Variants in CADM2 observed in about 807,000 individuals in gnomAD.
CADM2 encodes the protein immunoglobulin superfamily member 4D.
Under a neutral mutation model 49.8 loss-of-function variants are expected in CADM2, and 12 were observed. The ratio of observed to expected loss-of-function variants is 0.24; its 90% CI spans 0.15 to 0.39. The LOEUF is 0.39. CADM2 is among the 10% of genes least tolerant of loss of function. The pLI is 1.00. For missense variants in CADM2, 378 were observed against 492.3 expected, an observed-to-expected ratio of 0.77 and a Z score of 2.20; for synonymous variants, 214 against 175.4, an observed-to-expected ratio of 1.22 and a Z score of -1.74.
chr3:85,474,527 C>T (rs1371865186), intron 1 of CADM2, among the ~76,000 whole-genome samples: 1 of 151,814 alleles, frequency 6.6e-6, no homozygotes, highest in Non-Finnish European at 1.5e-5. Flanking sequence ...ATAGCTGGGC[C>T]CCATGGTGCA....
At chr3:85,362,450 A>C (rs573098405) in intron 1 of CADM2, among the ~76,000 whole-genome samples, 1 of 152,298 alleles carries the variant, frequency 6.6e-6, no homozygotes, top group East Asian at 1.9e-4. Flanking sequence ...TTAAATGAAA[A>C]ATTTACCCAA....
At chr3:85,404,224 C>T (rs954821740) in intron 1 of CADM2, among the ~76,000 whole-genome samples, 8 of 152,016 alleles carry the variant, frequency 5.3e-5, no homozygotes, top group African/African-American at 1.9e-4. Context: ...GACCATCATC[C>T]CACCACCTCA....
chr3:84,985,185 T>C (rs1027050445), intron 1 of CADM2, among the ~76,000 whole-genome samples: 12 of 152,204 alleles, frequency 7.9e-5, no homozygotes, highest in African/African-American at 2.4e-4. Context: ...GCTATTTATA[T>C]GCATGTAGTT....
intron 1 of CADM2, among the ~76,000 whole-genome samples, chr3:85,436,490 G>A (rs549021925): frequency 1.8e-4 from 28 of 152,096 alleles, no homozygotes; most frequent in African/African-American, 6.3e-4. Flanking sequence ...GTCTTGTGCC[G>A]GTTTTCAAAG....
chr3:85,030,347 T>A (rs909517451), intron 1 of CADM2, among the ~76,000 whole-genome samples: 1 of 152,212 alleles, frequency 6.6e-6, no homozygotes, highest in Admixed American at 6.5e-5. Context: ...ATTCTCAACC[T>A]TCAATGCAAC....
At chr3:85,968,296 T>G (rs555361298) in intron 8 of CADM2, among the ~76,000 whole-genome samples, 1 of 151,696 alleles carries the variant, frequency 6.6e-6, no homozygotes, top group South Asian at 2.1e-4. Context: ...CAGAGAGAAA[T>G]GGAATGGCAT....
intron 1 of CADM2, among the ~76,000 whole-genome samples, chr3:85,053,923 A>T: frequency 6.6e-6 from 1 of 152,004 alleles, no homozygotes; most frequent in East Asian, 1.9e-4. Context: ...TTATTTTAAC[A>T]GAACAGATTC....
At chr3:85,260,176 G>T (rs963876151) in intron 1 of CADM2, among the ~76,000 whole-genome samples, 1 of 151,644 alleles carries the variant, frequency 6.6e-6, no homozygotes, top group Non-Finnish European at 1.5e-5. Context: ...AATTAGTTTG[G>T]CATGAATATA....
At chr3:85,163,072 CTCA>C (rs1553690504) in intron 1 of CADM2, among the ~76,000 whole-genome samples, 1 of 152,006 alleles carries the variant, frequency 6.6e-6, no homozygotes, top group Non-Finnish European at 1.5e-5. Flanking sequence ...GTAATGCTGA[CTCA>C]TCATTCTTTA....
chr3:85,534,130 A>AT (rs907538888), intron 1 of CADM2, among the ~76,000 whole-genome samples: 57 of 151,648 alleles, frequency 3.8e-4, no homozygotes, highest in African/African-American at 1.1e-3. Flanking sequence ...GAAAATAATA[A>AT]TTTTTTTTTA....
At chr3:85,942,645 C>G (rs1256447334) in intron 7 of CADM2, among the ~76,000 whole-genome samples, 1 of 151,814 alleles carries the variant, frequency 6.6e-6, no homozygotes, top group Non-Finnish European at 1.5e-5. Flanking sequence ...TCATCCATGT[C>G]CCTACAAAGG....
In CADM2 at chr3:85,284,770, G is replaced by A. The variant is rs139190643; in HGVS notation, c.61+325102G>A. ...GTGGCAGATCATCACAGGTTTTGTAGGACCTTGTAGGCTATATAAATAAGC... is the reference window on the plus strand; with the variant it reads ...GTGGCAGATCATCACAGGTTTTGTAAGACCTTGTAGGCTATATAAATAAGC... On this transcript the variant is annotated intron_variant, in intron 1 of 9. Transcript: ENST00000383699. 5.0e-3 allele frequency among the ~76,000 whole-genome samples: 753 copies of A among 152,092 alleles called. 11 individuals are homozygous for A. Among genetic ancestry groups the A allele is most frequent in the African/African-American group, 0.017 (695 of 41,514 alleles).
At chr3:85,505,364 G>A (rs1028470875) in intron 1 of CADM2, among the ~76,000 whole-genome samples, 6 of 152,298 alleles carry the variant, frequency 3.9e-5, no homozygotes, top group African/African-American at 1.4e-4. Context: ...TCTTTCCTCT[G>A]GGGTGTAGCC....
At chr3:85,361,072 C>A (rs1479677168) in intron 1 of CADM2, among the ~76,000 whole-genome samples, 1 of 152,132 alleles carries the variant, frequency 6.6e-6, no homozygotes, top group Non-Finnish European at 1.5e-5. Flanking sequence ...TCATAGCCAT[C>A]TTTTATCCCA....
chr3:85,990,702 C>T (rs1318632836), intron 8 of CADM2, among the ~76,000 whole-genome samples: 1 of 152,102 alleles, frequency 6.6e-6, no homozygotes, highest in African/African-American at 2.4e-5. Flanking sequence ...TAAAATTACC[C>T]ATCCAAAAAA....
intron 7 of CADM2, among the ~76,000 whole-genome samples, chr3:85,938,816 T>A (rs1282969980): frequency 2.0e-5 from 3 of 152,066 alleles, no homozygotes; most frequent in Non-Finnish European, 4.4e-5. Context: ...ATCATCTTTA[T>A]CATTTATCTG....
At position 85,989,462 on chromosome 3, in the gene CADM2, C is replaced by T. The variant is rs149187588; in HGVS notation, c.970+27815C>T. ...GGACCAAAATTCAGACCACTTTTTTCTCTTGCCTTTCAATAGGATATTCTG... is the reference window on the plus strand; with the variant it reads ...GGACCAAAATTCAGACCACTTTTTTTTCTTGCCTTTCAATAGGATATTCTG... On this transcript the variant is annotated intron_variant, in intron 8 of 9. Transcript: ENST00000383699. Among the ~76,000 whole-genome samples, 4 of 152,100 alleles carry T rather than the reference C, an allele frequency of 2.6e-5. 1 individual carries two copies. Among genetic ancestry groups the T allele is most frequent in the Admixed American group, 6.6e-5 (1 of 15,262 alleles).
intron 1 of CADM2, among the ~76,000 whole-genome samples, chr3:85,706,938 T>C (rs1446814198): frequency 6.6e-6 from 1 of 152,164 alleles, no homozygotes; most frequent in African/African-American, 2.4e-5. Flanking sequence ...TATCTGAATG[T>C]GTACCTATAC....
intron 2 of CADM2, among the ~76,000 whole-genome samples, chr3:85,738,995 A>G (rs1389370671): frequency 6.6e-6 from 1 of 152,118 alleles, no homozygotes; most frequent in Non-Finnish European, 1.5e-5. Context: ...ATCAATCTCA[A>G]TGATTTAAAA....
Sources: gnomAD v4.1 joint callset for allele counts (sites outside exome capture counted in the v4.1 genomes callset) on GRCh38, gnomAD v4.1.1 for gene constraint, MANE v1.5 for transcripts, NCBI Gene and HGNC (gene_info 2026-07-23, HGNC 2026-07-21) for gene names.